GALNT13: variants seen among roughly 807,000 people sequenced by gnomAD.
GALNT13 encodes the protein polypeptide N-acetylgalactosaminyltransferase 13, also known as UDP-GalNAc:polypeptide N-acetylgalactosaminyltransferase 13.
A neutral mutation model predicts 64.2 loss-of-function variants in GALNT13; 28 were observed. The observed-to-expected ratio is 0.44, with a 90% CI of 0.32 to 0.60. GALNT13 has a LOEUF of 0.60. GALNT13 is among the 20% of genes least tolerant of loss of function. The probability of loss-of-function intolerance (pLI) is 0.05; values close to 1 mark genes in which losing one functional copy is unlikely to be tolerated. For missense variants in GALNT13, 577 were observed against 669.8 expected, an observed-to-expected ratio of 0.86 and a Z score of 1.53; for synonymous variants, 214 against 224.6, an observed-to-expected ratio of 0.95 and a Z score of 0.42.
chr2:153,192,960 T>A, the GALNT13 span, among the ~76,000 whole-genome samples: 1 of 152,134 alleles, frequency 6.6e-6, no homozygotes, highest in Non-Finnish European at 1.5e-5. Flanking sequence ...CCATGTCTTT[T>A]AAGCAGAATA....
the GALNT13 span, among the ~76,000 whole-genome samples, chr2:153,241,047 G>A: frequency 6.6e-6 from 1 of 152,122 alleles, no homozygotes; most frequent in Non-Finnish European, 1.5e-5. Context: ...TAAAGTTCTT[G>A]GTTAGGGATC....
chr2:154,208,233 C>T (rs1687569980), intron 4 of GALNT13, among the ~76,000 whole-genome samples: 1 of 152,064 alleles, frequency 6.6e-6, no homozygotes, highest in Non-Finnish European at 1.5e-5. Context: ...TTGTCTGGCA[C>T]TAATGATATT....
At chr2:153,991,024 G>A (rs1256947999) in intron 3 of GALNT13, among the ~76,000 whole-genome samples, 2 of 152,260 alleles carry the variant, frequency 1.3e-5, no homozygotes, top group East Asian at 3.9e-4. Context: ...AATCTCTGGG[G>A]ACATATGTTC....
the GALNT13 span, among the ~76,000 whole-genome samples, chr2:153,277,927 C>CTTTTTTTTTTTTTTTTTTTTT: frequency 1.6e-4 from 13 of 80,112 alleles, 1 homozygote; most frequent in Non-Finnish European, 2.6e-4. Flanking sequence ...TCTTTTCTTT[C>CTTTTTTTTTTTTTTTTTTTTT]TTTTTTTTTT....
At chr2:153,790,770 A>G in the GALNT13 span, among the ~76,000 whole-genome samples, 1 of 152,194 alleles carries the variant, frequency 6.6e-6, no homozygotes, top group African/African-American at 2.4e-5. Flanking sequence ...ATACAAAATC[A>G]ACATGCAAAA....
chr2:153,629,264 TA>T, the GALNT13 span, among the ~76,000 whole-genome samples: 20 of 151,902 alleles, frequency 1.3e-4, no homozygotes, highest in African/African-American at 4.8e-4. Flanking sequence ...AAGGCTACAG[TA>T]ACCAAAACAG....
In GALNT13 at chr2:154,425,278, T is replaced by A. The variant is rs531982290; in HGVS notation, c.1396-13314T>A. ...AAAACACCTGTAAAAGACATTCAGA[T>A]GGGATAGCAAAAAGTCTTTTATCAT... is the stretch of plus-strand genomic sequence containing the variant. On this transcript the variant is annotated intron_variant, in intron 11 of 12. Coordinates refer to ENST00000392825, the MANE Select transcript of GALNT13 (RefSeq NM_052917.4). Among the ~76,000 whole-genome samples the A allele has an allele frequency of 2.0e-5, 3 of 152,266 alleles. No individual in the cohort carries two copies. In the South Asian group the frequency reaches 6.2e-4, roughly 32 times the overall value.
At chr2:154,308,918 G>A (rs1404087382) in intron 9 of GALNT13, among the ~76,000 whole-genome samples, 1 of 151,968 alleles carries the variant, frequency 6.6e-6, no homozygotes, top group Non-Finnish European at 1.5e-5. Flanking sequence ...ATTCTTTAAG[G>A]CATTAGGTCA....
At chr2:153,416,405 A>G in the GALNT13 span, among the ~76,000 whole-genome samples, 1 of 152,212 alleles carries the variant, frequency 6.6e-6, no homozygotes, top group Non-Finnish European at 1.5e-5. Flanking sequence ...ATGAATCTTT[A>G]TCCCAATGAC....
intron 3 of GALNT13, among the ~76,000 whole-genome samples, chr2:153,952,263 G>A (rs1458601498): frequency 6.6e-6 from 1 of 152,106 alleles, no homozygotes; most frequent in East Asian, 1.9e-4. Flanking sequence ...GGTTTGCATG[G>A]GCGTTATGAC....
At chr2:153,688,176 G>C in the GALNT13 span, among the ~76,000 whole-genome samples, 1 of 151,760 alleles carries the variant, frequency 6.6e-6, no homozygotes, top group Non-Finnish European at 1.5e-5. Context: ...ATTCATTTAC[G>C]TATGGTCGAT....
chr2:153,428,294 T>C, the GALNT13 span, among the ~76,000 whole-genome samples: 1 of 152,164 alleles, frequency 6.6e-6, no homozygotes, highest in Non-Finnish European at 1.5e-5. Flanking sequence ...AGGAAGGTTT[T>C]ACTCATCACA....
intron 1 of GALNT13, among the ~76,000 whole-genome samples, chr2:153,898,856 C>CAAAAAA (rs35168611): frequency 1.0e-5 from 1 of 99,372 alleles, no homozygotes; most frequent in Non-Finnish European, 2.1e-5. Flanking sequence ...AGTTGCACAG[C>CAAAAAA]AAAAAAAAAA....
the GALNT13 span, among the ~76,000 whole-genome samples, chr2:153,487,734 G>C: frequency 6.6e-6 from 1 of 152,194 alleles, no homozygotes; most frequent in Non-Finnish European, 1.5e-5. Context: ...AATGCACCAA[G>C]GCATGAGAGA....
At chr2:153,447,214 G>A in the GALNT13 span, among the ~76,000 whole-genome samples, 1 of 152,108 alleles carries the variant, frequency 6.6e-6, no homozygotes, top group Non-Finnish European at 1.5e-5. Context: ...CACATAACAG[G>A]TTCTCAACAA....
chr2:153,109,293 A>G, the GALNT13 span, among the ~76,000 whole-genome samples: 1 of 151,892 alleles, frequency 6.6e-6, no homozygotes, highest in African/African-American at 2.4e-5. Context: ...CTGCCCAGAA[A>G]CTCTAAGATG....
chr2:154,305,929 GTTGAATAAC>G (rs1693707769), intron 9 of GALNT13, among the ~76,000 whole-genome samples: 3 of 152,076 alleles, frequency 2.0e-5, no homozygotes, highest in South Asian at 2.1e-4. Flanking sequence ...AAAAAATTTT[GTTGAATAAC>G]TGGAAGAATG....
chr2:153,492,537 C>T, the GALNT13 span, among the ~76,000 whole-genome samples: 1 of 151,488 alleles, frequency 6.6e-6, no homozygotes, highest in Non-Finnish European at 1.5e-5. Context: ...CATAAACTCT[C>T]AGCATTAACC....
At chr2:154,073,229 T>C (rs896813118) in intron 3 of GALNT13, among the ~76,000 whole-genome samples, 1 of 70,248 alleles carries the variant, frequency 1.4e-5, no homozygotes, top group Non-Finnish European at 4.0e-5. Flanking sequence ...CTTGTGCGAC[T>C]GTTTGAGTTG....
Sources: allele counts gnomAD v4.1 joint callset (sites outside exome capture counted in the v4.1 genomes callset), GRCh38; gene constraint gnomAD v4.1.1; transcripts MANE v1.5; gene names NCBI Gene and HGNC (gene_info 2026-07-23, HGNC 2026-07-21).